Variants in DSCAM observed in about 807,000 individuals in gnomAD.
DSCAM encodes the protein cell adhesion molecule DSCAM.
A neutral mutation model predicts 217.7 loss-of-function variants in DSCAM; 47 were observed. That is an observed-to-expected ratio of 0.22 (90% CI 0.17 to 0.28). The LOEUF (loss-of-function observed/expected upper bound fraction) is 0.28. Ranked by LOEUF, DSCAM falls within the 10% of genes least tolerant of loss-of-function variation. The probability of loss-of-function intolerance (pLI) is 1.00; values close to 1 mark genes in which losing one functional copy is unlikely to be tolerated. For missense variants in DSCAM, 2,080 were observed against 2,618.3 expected (o/e 0.79, Z 4.49); for synonymous variants, 1,056 against 1,015.3 (o/e 1.04, Z -0.76).
At chr21:40,563,521 ATATC>A (rs1170928005) in intron 3 of DSCAM, among the ~76,000 whole-genome samples, 1 of 134,544 alleles carries the variant, frequency 7.4e-6, no homozygotes, top group Non-Finnish European at 1.5e-5. Flanking sequence ...AAAACAAAAT[ATATC>A]TATTTGTTTA....
chr21:40,110,568 A>G (rs1353365257), intron 20 of DSCAM, among the ~76,000 whole-genome samples: 1 of 151,872 alleles, frequency 6.6e-6, no homozygotes, highest in Non-Finnish European at 1.5e-5. Flanking sequence ...TGGATGGAAG[A>G]TGATTTTGAT....
chr21:40,484,712 T>G (rs2145995053), intron 3 of DSCAM, among the ~76,000 whole-genome samples: 1 of 152,284 alleles, frequency 6.6e-6, no homozygotes, highest in East Asian at 1.9e-4. Flanking sequence ...AAGCATAAAA[T>G]GCAACTCTCT....
rs180802210 is a variant in DSCAM, at chr21:40,772,178, T to G, written c.44-63407A>C. Among the ~76,000 whole-genome samples, 53 of 152,262 alleles carry G rather than the reference T, an allele frequency of 3.5e-4. 1 individual carries two copies. In the Middle Eastern group the frequency reaches 0.01, roughly 29 times the overall value. On this transcript the variant is annotated intron_variant, in intron 1 of 32. Transcript: ENST00000400454. ...TAAAAAGTGATTTGTTTCTGTTTTT[T>G]TCTTTTTGAGATGGAGATTTGCTCT...
rs1042581457 is a variant in DSCAM at position 40,075,340 on chromosome 21, G to T, written c.4712-127C>A. On this transcript the variant is annotated intron_variant, in intron 26 of 32. Coordinates refer to ENST00000400454, the MANE Select transcript of DSCAM (RefSeq NM_001389.5). ...TGTTGGAGGTGATGAGAAATGAAAA[G>T]AACTCTGTCTCTAGGCCCTGGCTAA... is the stretch of plus-strand genomic sequence containing the variant. The T allele has an allele frequency of 5.9e-6, 6 of 1,019,426 alleles. No individual in the cohort carries two copies. The African/African-American group carries it at 6.5e-5, about 11-fold the overall frequency. 63.1% of individuals were successfully genotyped at this position (1,019,426 alleles called of 1,614,324 possible). A position where few individuals can be genotyped will look rare whatever the true frequency, so the allele number is the denominator to read the frequency against.
intron 16 of DSCAM, among the ~76,000 whole-genome samples, chr21:40,146,086 C>T (rs1410533166): frequency 1.3e-5 from 2 of 151,976 alleles, no homozygotes; most frequent in Non-Finnish European, 2.9e-5. Context: ...AAGCTTTCTC[C>T]GTCCTGAAAG....
At chr21:40,351,595 G>C (rs1224288515) in intron 5 of DSCAM, among the ~76,000 whole-genome samples, 1 of 152,170 alleles carries the variant, frequency 6.6e-6, no homozygotes, top group Non-Finnish European at 1.5e-5. Flanking sequence ...TGGAGCCCAA[G>C]AGAATGCCTT....
intron 12 of DSCAM, 121 bp from the exon 13 acceptor site, chr21:40,188,108 TCACACA>T (rs34374148): frequency 3.4e-5 from 21 of 612,620 alleles, no homozygotes; most frequent in South Asian, 1.6e-4. Context: ...ATAGGTACAC[TCACACA>T]CACACACACA....
intron 3 of DSCAM, among the ~76,000 whole-genome samples, chr21:40,543,237 C>T (rs2076555641): frequency 6.6e-6 from 1 of 152,160 alleles, no homozygotes; most frequent in South Asian, 2.1e-4. Context: ...ATGTATTCAC[C>T]TCCAACACCC....
intron 20 of DSCAM, among the ~76,000 whole-genome samples, chr21:40,102,493 G>C (rs368002938): frequency 3.3e-5 from 5 of 152,126 alleles, no homozygotes; most frequent in East Asian, 3.9e-4. Flanking sequence ...AGAGTGTAAG[G>C]GTTGTGAGGA....
At position 40,042,405 on chromosome 21, in the gene DSCAM, T is replaced by C. The variant is rs773560239; in HGVS notation, c.5652A>G (p.Val1884=). 1.2e-6 allele frequency: 2 copies of C among 1,614,200 alleles called. No homozygotes were observed. The highest frequency in any genetic ancestry group is 1.1e-5 in the South Asian group (1 of 91,080). The change falls in exon 32 of 33, where the codon GTA becomes GTG. Residue 1884 remains valine, a synonymous_variant. Coordinates refer to ENST00000400454, the MANE Select transcript of DSCAM (RefSeq NM_001389.5). ...GTGCCTTTGGAACTGCCATATTCAT[T>C]ACTCTTCCTCCATCCTGAGGTTTGG... ...SPPKPQDGGR[V]MNMAVPKAHR... is the part of the protein sequence containing the mutation.
At chr21:40,525,365 G>A (rs541993585) in intron 3 of DSCAM, among the ~76,000 whole-genome samples, 109 of 152,308 alleles carry the variant, frequency 7.2e-4, no homozygotes, top group African/African-American at 2.3e-3. Flanking sequence ...CAGTGGTATA[G>A]TCAGAACCAG....
intron 11 of DSCAM, among the ~76,000 whole-genome samples, chr21:40,229,832 CA>C (rs2091365488): frequency 2.6e-5 from 4 of 152,160 alleles, no homozygotes; most frequent in Admixed American, 2.6e-4. Flanking sequence ...TTTATGTGGA[CA>C]TACATTTTTA....
chr21:40,474,301 T>G (rs1366256390), intron 3 of DSCAM, among the ~76,000 whole-genome samples: 2 of 142,782 alleles, frequency 1.4e-5, no homozygotes, highest in Non-Finnish European at 3.1e-5. Flanking sequence ...TTCAAAAATA[T>G]ATATAATAAA....
intron 3 of DSCAM, among the ~76,000 whole-genome samples, chr21:40,650,654 G>A (rs548272621): frequency 8.5e-5 from 13 of 152,326 alleles, no homozygotes; most frequent in African/African-American, 2.9e-4. Context: ...TGTGGCTCAC[G>A]CCTGTAATCC....
At chr21:40,518,499 T>TA (rs2076329381) in intron 3 of DSCAM, among the ~76,000 whole-genome samples, 1 of 15,462 alleles carries the variant, frequency 6.5e-5, no homozygotes, top group African/African-American at 5.3e-4. Flanking sequence ...ATATTATATA[T>TA]TATATATATA....
intron 20 of DSCAM, among the ~76,000 whole-genome samples, chr21:40,102,782 T>C (rs188722428): frequency 6.6e-6 from 1 of 152,332 alleles, no homozygotes; most frequent in Non-Finnish European, 1.5e-5. Flanking sequence ...TAGCTGCACT[T>C]GTAAGACCTT....
intron 11 of DSCAM, among the ~76,000 whole-genome samples, chr21:40,258,982 G>C (rs141368315): frequency 6.6e-6 from 1 of 152,342 alleles, no homozygotes; most frequent in East Asian, 1.9e-4. Flanking sequence ...TCTGCAGAAA[G>C]TAAAAATGGC....
chr21:40,309,503 T>C (rs718598), intron 9 of DSCAM, among the ~76,000 whole-genome samples: 2,268 of 152,274 alleles, frequency 0.015, 57 homozygotes, highest in African/African-American at 0.051. Context: ...TGATTCCTCC[T>C]TCTCTTATTC....
intron 1 of DSCAM, among the ~76,000 whole-genome samples, chr21:40,755,871 C>T (rs2091270731): frequency 1.3e-5 from 2 of 152,176 alleles, no homozygotes; most frequent in Admixed American, 6.5e-5. Flanking sequence ...TTTGCTGCTC[C>T]CCTGACTTCT....
Sources: allele counts gnomAD v4.1 joint callset (sites outside exome capture counted in the v4.1 genomes callset), GRCh38; gene constraint gnomAD v4.1.1; transcripts MANE v1.5; gene names NCBI Gene and HGNC (gene_info 2026-07-23, HGNC 2026-07-21).